Variants in MRPL21 observed in about 807,000 individuals in gnomAD.
The protein encoded by MRPL21 is mitochondrial ribosomal protein L21.
A neutral mutation model predicts 27.3 loss-of-function variants in MRPL21; 20 were observed. That is an observed-to-expected ratio of 0.73 (90% confidence interval 0.52 to 1.06). The LOEUF is 1.06. MRPL21 is among the 50% of genes least tolerant of loss of function. MRPL21 has a pLI of 0.00. For missense variants in MRPL21, 249 were observed against 251.4 expected, an observed-to-expected ratio of 0.99 and a Z score of 0.06; for synonymous variants, 98 against 101.5, an observed-to-expected ratio of 0.97 and a Z score of 0.21.
rs629426 is a variant in MRPL21, at chr11:68,903,636, A to G, written c.88+87T>C. ...AAATGCGATCAACACACAAGGCACC[A>G]GGTCGGACCCAGGCACATACGTGGC... On this transcript the variant is annotated intron_variant, in intron 1 of 6. Coordinates refer to ENST00000362034, the MANE Select transcript of MRPL21 (RefSeq NM_181514.2). 413,536 of 1,360,118 alleles carry G rather than the reference A, an allele frequency of 0.3. 66,725 individuals are homozygous for G. Among genetic ancestry groups the G allele is most frequent in the South Asian group, 0.48 (41,474 of 85,724 alleles). 84.3% of individuals were successfully genotyped at this position (1,360,118 alleles called of 1,614,324 possible).
At chr11:68,903,661 C>T in intron 1 of MRPL21, 62 bp downstream of exon 1, 1 of 1,565,728 alleles carries the variant, frequency 6.4e-7, no homozygotes, top group East Asian at 2.2e-5. Context: ...ACATACGTGG[C>T]GAGACCGCAG....
chr11:68,903,742 T>A lies in MRPL21; in HGVS notation c.69A>T (p.Arg23Ser). ...TCTCACCTGCTCCGGGCCCCGAAGGTCTCAGGATGCTGTGGCTGCACGCGG... is the reference window on the plus strand; with the variant it reads ...TCTCACCTGCTCCGGGCCCCGAAGGACTCAGGATGCTGTGGCTGCACGCGG... ...LASACSHSILRPSGPGAASLW... is the reference protein window; with the variant it reads ...LASACSHSILSPSGPGAASLW... The change falls in exon 1 of 7, where the codon AGA becomes AGT. Residue 23 changes from arginine to serine, a missense_variant. By Grantham distance (110) the Arg-to-Ser change is moderately radical. Transcript: ENST00000362034. The A allele has an allele frequency of 6.2e-7, 1 of 1,613,252 alleles. No individual in the cohort carries two copies. The highest frequency in any genetic ancestry group is 8.5e-7 in the Non-Finnish European group (1 of 1,180,018).
chr11:68,903,364 T>A (rs1341218943), intron 1 of MRPL21, among the ~76,000 whole-genome samples: 1 of 152,142 alleles, frequency 6.6e-6, no homozygotes, highest in Non-Finnish European at 1.5e-5. Flanking sequence ...GCTCGCAGCC[T>A]GGGGGCAGTG....
At chr11:68,891,903 C>T (rs1361230824) in intron 6 of MRPL21, 4 of 497,244 alleles carry the variant, frequency 8.0e-6, no homozygotes, top group South Asian at 5.5e-5. Context: ...GTGGCCCATG[C>T]CCCGTGGGTG....
At chr11:68,893,237 G>A in intron 5 of MRPL21, 166 bp downstream of exon 5, 1 of 1,441,936 alleles carries the variant, frequency 6.9e-7, no homozygotes, top group Non-Finnish European at 9.2e-7. Flanking sequence ...TGGTCTGGAT[G>A]TTCTCATGGG....
In MRPL21 at chr11:68,892,979, C is replaced by T. The variant is rs371171289; in HGVS notation, c.464G>A (p.Arg155Gln). The change falls in exon 6 of 7, where the codon CGA becomes CAA. Residue 155 changes from arginine (R) to glutamine (Q), a missense_variant. Arg to Gln is a conservative substitution (Grantham distance 43). Coordinates refer to ENST00000362034, the MANE Select transcript of MRPL21 (RefSeq NM_181514.2). ...GKPLLGKDLV[R>Q]VEATVIEKTE... ...CTTTTCAATGACTGTGGCTTCTACT[C>T]GAACAAGATCCTTTCTAGAAGGAAG... 311 of 1,596,364 alleles carry T rather than the reference C, an allele frequency of 1.9e-4. No individual in the cohort carries two copies. The highest frequency in any genetic ancestry group is 2.6e-4 in the Non-Finnish European group (302 of 1,172,286).
chr11:68,903,657 G>C (rs981288122), intron 1 of MRPL21, 66 bp downstream of exon 1: 2 of 1,543,556 alleles, frequency 1.3e-6, no homozygotes, highest in Admixed American at 1.7e-5. Flanking sequence ...AGGCACATAC[G>C]TGGCGAGACC....
intron 4 of MRPL21, 96 bp downstream of exon 4, chr11:68,896,419 G>A (rs1273204562): frequency 1.4e-6 from 2 of 1,459,734 alleles, no homozygotes; most frequent in East Asian, 2.3e-5. Context: ...CTGAGACGGG[G>A]TCGGCGAGGG....
chr11:68,891,933 CTA>C, intron 6 of MRPL21: 1 of 587,032 alleles, frequency 1.7e-6, no homozygotes, highest in Non-Finnish European at 2.7e-6. Flanking sequence ...AGGATGCCCA[CTA>C]TGGGGGATGT....
rs180812710 is a variant in MRPL21 at position 68,895,174 on chromosome 11, G to A, written c.396+1341C>T. 3.8e-3 allele frequency among the ~76,000 whole-genome samples: 581 copies of A among 152,242 alleles called. 1 individual carries two copies. Among genetic ancestry groups the A allele is most frequent in the African/African-American group, 0.013 (550 of 41,542 alleles). On this transcript the variant is annotated intron_variant, in intron 4 of 6. Transcript: ENST00000362034. ...AGCTACTCAGGAGGCTGAGGCAGGA[G>A]AATCACTTGAACCCGGAAGGCAGAG...
chr11:68,895,336 AG>A (rs1256429704), intron 4 of MRPL21, among the ~76,000 whole-genome samples: 1 of 152,202 alleles, frequency 6.6e-6, no homozygotes, highest in East Asian at 1.9e-4. Flanking sequence ...TCATAGCTGA[AG>A]GCTAGAAATG....
intron 4 of MRPL21, among the ~76,000 whole-genome samples, chr11:68,894,785 G>T (rs1163372165): frequency 6.6e-6 from 1 of 152,154 alleles, no homozygotes; most frequent in Admixed American, 6.5e-5. Flanking sequence ...TGGGTTTCCT[G>T]TTATAAAAAA....
At chr11:68,903,630 G>A in intron 1 of MRPL21, 93 bp downstream of exon 1, 2 of 1,302,980 alleles carry the variant, frequency 1.5e-6, no homozygotes, top group South Asian at 2.4e-5. Flanking sequence ...CAACACACAA[G>A]GCACCAGGTC....
intron 6 of MRPL21, 125 bp downstream of exon 6, chr11:68,892,765 G>A: frequency 6.5e-7 from 1 of 1,541,718 alleles, no homozygotes; most frequent in Non-Finnish European, 8.7e-7. Context: ...GTGGGCAGTG[G>A]CAGCCAGGTT....
At chr11:68,895,003 G>A (rs537679312) in intron 4 of MRPL21, among the ~76,000 whole-genome samples, 2 of 152,052 alleles carry the variant, frequency 1.3e-5, no homozygotes, top group African/African-American at 4.8e-5. Context: ...GGTGGCTCAC[G>A]CCTGTAATCC....
chr11:68,896,963 A>G, intron 3 of MRPL21: 2 of 486,556 alleles, frequency 4.1e-6, no homozygotes, highest in South Asian at 2.9e-5. Context: ...CGCCTCATGC[A>G]ACTCCCTCGC....
chr11:68,892,129 G>A lies in MRPL21; in HGVS notation c.554-734C>T, dbSNP rs1444531779. The A allele has an allele frequency of 1.8e-5, 19 of 1,038,734 alleles. No individual in the cohort carries two copies. In the African/African-American group the frequency reaches 1.8e-4, roughly 10 times the overall value. 64.3% of individuals were successfully genotyped at this position (1,038,734 alleles called of 1,614,324 possible). On this transcript the variant is annotated intron_variant, in intron 6 of 6. Coordinates refer to ENST00000362034, the MANE Select transcript of MRPL21 (RefSeq NM_181514.2). ...AGGGGAGCGAGGTGGGTTCACGCGC[G>A]GAGGGTGGAGGAGAAGGGGAGCGAG...
chr11:68,891,371 A>G lies in MRPL21; in HGVS notation c.578T>C (p.Leu193Pro). Residue 193 changes from leucine to proline, a missense_variant, in exon 7 of 7, where the codon CTC becomes CCC. By Grantham distance (98) the Leu-to-Pro change is moderately conservative (BLOSUM62 -3). Coordinates refer to ENST00000362034, the MANE Select transcript of MRPL21 (RefSeq NM_181514.2). ...AGCAATCTCAATGCTGTTTATCCGG[A>G]GGACAGTCTGCGGGGTCGTGACGAC... ...KRIVTTPQTV[L>P]RINSIEIAPC... is the part of the protein sequence containing the mutation. 1 of 1,614,112 alleles carries G rather than the reference A, an allele frequency of 6.2e-7. No homozygotes were observed. Among genetic ancestry groups the G allele is most frequent in the Non-Finnish European group, 8.5e-7 (1 of 1,180,022 alleles).
chr11:68,900,503 C>CA, intron 2 of MRPL21, 45 bp downstream of exon 2: 2 of 1,552,094 alleles, frequency 1.3e-6, no homozygotes, highest in Non-Finnish European at 1.8e-6. Flanking sequence ...GATGGTTCTA[C>CA]AAATGAAAGG....
Sources: gnomAD v4.1 joint callset for allele counts (sites outside exome capture counted in the v4.1 genomes callset) on GRCh38, gnomAD v4.1.1 for gene constraint, MANE v1.5 for transcripts, NCBI Gene and HGNC (gene_info 2026-07-23, HGNC 2026-07-21) for gene names.